CACNA2D3: variants seen among roughly 807,000 people sequenced by gnomAD.
CACNA2D3 encodes voltage-dependent calcium channel subunit alpha-2/delta-3.
CACNA2D3 carries 60 observed loss-of-function variants against 160.6 expected under a neutral mutation model. That is an observed-to-expected ratio of 0.37 (90% CI 0.30 to 0.46). The LOEUF is 0.46. Ranked by LOEUF, CACNA2D3 falls within the 20% of genes least tolerant of loss-of-function variation. CACNA2D3 has a pLI of 1.00. For missense variants in CACNA2D3, 1,205 were observed against 1,365.0 expected, an observed-to-expected ratio of 0.88 and a Z score of 1.85; for synonymous variants, 558 against 492.9, an observed-to-expected ratio of 1.13 and a Z score of -1.75.
intron 10 of CACNA2D3, chr3:54,638,814 G>T (rs1057352766): frequency 7.2e-5 from 11 of 152,004 alleles, no homozygotes; most frequent in African/African-American, 2.2e-4. Context: ...TGGAACTACT[G>T]TTGAGTTTGT....
intron 27 of CACNA2D3, among the ~76,000 whole-genome samples, chr3:54,960,076 CA>C (rs10716957): frequency 0.35 from 28,490 of 81,928 alleles, 5,409 homozygotes; most frequent in African/African-American, 0.61. Context: ...TCTGACAGGA[CA>C]AAAAAAAAAA....
At chr3:54,540,819 A>G (rs890934069) in intron 5 of CACNA2D3, among the ~76,000 whole-genome samples, 22 of 152,168 alleles carry the variant, frequency 1.4e-4, no homozygotes, top group African/African-American at 5.3e-4. Flanking sequence ...GGATTATTGT[A>G]GGTATCCCCA....
intron 10 of CACNA2D3, among the ~76,000 whole-genome samples, chr3:54,635,673 C>G (rs1054619069): frequency 6.6e-6 from 1 of 151,816 alleles, no homozygotes; most frequent in Non-Finnish European, 1.5e-5. Context: ...TTTTTGGTGG[C>G]TGAGCTTGGT....
intron 11 of CACNA2D3, among the ~76,000 whole-genome samples, chr3:54,744,124 G>T (rs543078632): frequency 3.3e-5 from 5 of 152,244 alleles, no homozygotes; most frequent in Non-Finnish European, 5.9e-5. Flanking sequence ...CTATGTAGAG[G>T]ACTCACTTCT....
chr3:54,819,783 T>G (rs1333299146), intron 14 of CACNA2D3, among the ~76,000 whole-genome samples: 1 of 150,304 alleles, frequency 6.7e-6, no homozygotes, highest in East Asian at 2.0e-4. Flanking sequence ...AGGTGGAGGT[T>G]GCAGTGAGCC....
chr3:55,064,685 C>G (rs1047056861), intron 35 of CACNA2D3, among the ~76,000 whole-genome samples: 11 of 152,172 alleles, frequency 7.2e-5, no homozygotes, highest in Admixed American at 5.2e-4. Context: ...GTAGGCCCCT[C>G]TGCAACTACA....
At chr3:55,036,386 G>T (rs976653854) in intron 35 of CACNA2D3, among the ~76,000 whole-genome samples, 2 of 152,152 alleles carry the variant, frequency 1.3e-5, no homozygotes, top group East Asian at 3.9e-4. Flanking sequence ...GACGGAGGTT[G>T]CAGTGAGTTG....
chr3:54,854,149 T>A (rs975839066), intron 17 of CACNA2D3, among the ~76,000 whole-genome samples: 7 of 152,148 alleles, frequency 4.6e-5, no homozygotes, highest in Admixed American at 6.5e-5. Flanking sequence ...TAACAGAGGC[T>A]TAGTAAGTGT....
intron 2 of CACNA2D3, among the ~76,000 whole-genome samples, chr3:54,160,281 C>T (rs1258811560): frequency 1.3e-5 from 2 of 152,140 alleles, no homozygotes; most frequent in African/African-American, 4.8e-5. Context: ...GGTGGATCAC[C>T]TGAGGGCAGG....
At chr3:54,287,076 A>G (rs1013366734) in intron 2 of CACNA2D3, among the ~76,000 whole-genome samples, 36 of 152,034 alleles carry the variant, frequency 2.4e-4, no homozygotes, top group Non-Finnish European at 4.4e-4. Flanking sequence ...CACACATAAC[A>G]ATATTAACTT....
intron 35 of CACNA2D3, among the ~76,000 whole-genome samples, chr3:55,057,225 T>G (rs2107215427): frequency 6.6e-6 from 1 of 152,326 alleles, no homozygotes; most frequent in Non-Finnish European, 1.5e-5. Context: ...GTGAGTCAAT[T>G]AAACCTTTTT....
chr3:54,805,658 T>C (rs1268262879), intron 13 of CACNA2D3, among the ~76,000 whole-genome samples: 1 of 152,214 alleles, frequency 6.6e-6, no homozygotes, highest in Non-Finnish European at 1.5e-5. Flanking sequence ...TCTGAAACTA[T>C]TCCAGTCAAT....
chr3:54,884,158 G>C (rs890242193), intron 21 of CACNA2D3, among the ~76,000 whole-genome samples: 2 of 152,118 alleles, frequency 1.3e-5, no homozygotes, highest in Non-Finnish European at 2.9e-5. Flanking sequence ...AAGAAGAAAG[G>C]CTGCACAGAT....
intron 27 of CACNA2D3, 58 bp from the exon 28 acceptor site, chr3:54,968,392 C>A: frequency 1.7e-6 from 2 of 1,160,002 alleles, no homozygotes; most frequent in Non-Finnish European, 2.5e-6. Context: ...CAACGATAAT[C>A]TTAAATAATT....
At chr3:54,504,751 T>A (rs1401044322) in intron 5 of CACNA2D3, among the ~76,000 whole-genome samples, 1 of 152,172 alleles carries the variant, frequency 6.6e-6, no homozygotes, top group Admixed American at 6.5e-5. Flanking sequence ...TGGGTTTAAG[T>A]CCTGATCTTC....
intron 4 of CACNA2D3, among the ~76,000 whole-genome samples, chr3:54,441,162 C>T (rs1353702010): frequency 1.3e-5 from 2 of 152,124 alleles, no homozygotes; most frequent in Non-Finnish European, 1.5e-5. Context: ...TTTCCTGGCT[C>T]TTTAATGATT....
At chr3:54,918,214 G>A (rs1319672199) in intron 27 of CACNA2D3, 18 of 439,006 alleles carry the variant, frequency 4.1e-5, no homozygotes, top group Admixed American at 1.6e-4. Flanking sequence ...TAGAATCGTC[G>A]TAATAACTTC....
At chr3:54,467,557 GATA>G (rs950192962) in intron 4 of CACNA2D3, among the ~76,000 whole-genome samples, 1 of 152,166 alleles carries the variant, frequency 6.6e-6, no homozygotes, top group Non-Finnish European at 1.5e-5. Context: ...GCAAAATGGA[GATA>G]ATATCTGTCA....
chr3:54,191,622 G>T (rs1005696781), intron 2 of CACNA2D3, among the ~76,000 whole-genome samples: 1 of 152,102 alleles, frequency 6.6e-6, no homozygotes, highest in African/African-American at 2.4e-5. Flanking sequence ...TGTGCCTGGT[G>T]CTGGGAGTGG....
Sources: allele counts gnomAD v4.1 joint callset (sites outside exome capture counted in the v4.1 genomes callset), GRCh38; gene constraint gnomAD v4.1.1; transcripts MANE v1.5; gene names NCBI Gene and HGNC (gene_info 2026-07-23, HGNC 2026-07-21).